Variants in MSRB1 observed in about 807,000 individuals in gnomAD.
MSRB1 encodes methionine-R-sulfoxide reductase B1.
Under a neutral mutation model 15.2 loss-of-function variants are expected in MSRB1, and 13 were observed. The observed-to-expected ratio is 0.86, with a 90% CI of 0.56 to 1.36. MSRB1 has a LOEUF of 1.36. MSRB1 is among the 40% of genes most tolerant of loss of function. The pLI, the probability that MSRB1 is intolerant of heterozygous loss-of-function variation, is 0.00. For synonymous variants in MSRB1, 68 were observed against 64.5 expected (o/e 1.05, Z -0.26); for missense variants, 174 against 155.9 (o/e 1.12, Z -0.62).
At chr16:1,940,131 G>C (rs925619909) in intron 3 of MSRB1, among the ~76,000 whole-genome samples, 1 of 151,920 alleles carries the variant, frequency 6.6e-6, no homozygotes, top group African/African-American at 2.4e-5. Context: ...AATTAGCTGG[G>C]CGTGGTGATG....
intron 1 of MSRB1, among the ~76,000 whole-genome samples, chr16:1,942,664 C>A (rs541440374): frequency 3.3e-5 from 5 of 152,398 alleles, no homozygotes; most frequent in Non-Finnish European, 5.9e-5. Context: ...CAGGGTAACA[C>A]CTGCGGGATG....
At chr16:1,940,668 T>A in intron 3 of MSRB1, 110 bp downstream of exon 3, 1 of 1,325,944 alleles carries the variant, frequency 7.5e-7, no homozygotes, top group Middle Eastern at 2.6e-4. Flanking sequence ...GCAGCGTGAC[T>A]TGGTGGCCCC....
At chr16:1,941,893 CT>C (rs2083079881) in intron 1 of MSRB1, 1 of 160,018 alleles carries the variant, frequency 6.2e-6, no homozygotes, top group Non-Finnish European at 1.4e-5. Flanking sequence ...CTGCTCTGCT[CT>C]CCAGGCAGGA....
At chr16:1,941,846 T>C in intron 1 of MSRB1, 1 of 174,560 alleles carries the variant, frequency 5.7e-6, no homozygotes, top group South Asian at 1.1e-4. Flanking sequence ...TGGTCCTCCC[T>C]GCTGCCCAAC....
At position 1,939,134 on chromosome 16, in the gene MSRB1, G is replaced by C. The variant is rs199711553; in HGVS notation, c.329C>G (p.Thr110Ser). The C allele has an allele frequency of 6.2e-7, 1 of 1,608,568 alleles. No individual in the cohort carries two copies. The highest frequency in any genetic ancestry group is 1.1e-5 in the South Asian group (1 of 90,714). ...SLKFVPKGKETSASQGH is the reference protein window; with the variant it reads ...SLKFVPKGKESSASQGH ...CGCCTAGTGACCCTGGGAGGCAGAA[G>C]TTTCTTTGCCTGAAAGAGAGGAGAG... The change falls in exon 4 of 4, where the codon ACT becomes AGT. Residue 110 changes from threonine (T) to serine (S), a missense_variant. By Grantham distance (58) the Thr-to-Ser change is moderately conservative (BLOSUM62 1). Coordinates refer to ENST00000361871, the MANE Select transcript of MSRB1 (RefSeq NM_016332.4).
In MSRB1 at chr16:1,939,048, A is replaced by C; in HGVS notation, c.*64T>G. ...CTCGACGCCCAGGGTTCCAACTCCA[A>C]GGTGGAATGGCCAACGTGTGGCCTC... is the stretch of plus-strand genomic sequence containing the variant. On this transcript the variant is annotated 3_prime_UTR_variant, in exon 4 of 4. Transcript: ENST00000361871. 1 of 1,595,596 alleles carries C rather than the reference A, an allele frequency of 6.3e-7. No individual in the cohort carries two copies. Among genetic ancestry groups the C allele is most frequent in the Non-Finnish European group, 8.6e-7 (1 of 1,166,048 alleles).
At position 1,941,570 on chromosome 16, in the gene MSRB1, G is replaced by A. The variant is rs559025992; in HGVS notation, c.56-165C>T. ...ACGGGAGGCGCTGTGCTGAGCTCAC[G>A]TTTAGTAGATGTGCCAGAGACCAGG... On this transcript the variant is annotated intron_variant, in intron 1 of 3. Transcript: ENST00000361871. 15 of 906,290 alleles carry A rather than the reference G, an allele frequency of 1.7e-5. No homozygotes were observed. The South Asian group carries it at 2.3e-4, about 14-fold the overall frequency. The allele number at this position is 906,290 out of a possible 1,614,324, so 56.1% of individuals were successfully genotyped here. A position where few individuals can be genotyped will look rare whatever the true frequency, so the allele number is the denominator to read the frequency against.
intron 3 of MSRB1, among the ~76,000 whole-genome samples, chr16:1,940,285 A>G (rs1342703850): frequency 1.3e-5 from 2 of 152,116 alleles, no homozygotes; most frequent in African/African-American, 4.8e-5. Flanking sequence ...AAAAAAAAAA[A>G]AAGGATGAGG....
chr16:1,940,726 CCT>C, intron 3 of MSRB1, 50 bp downstream of exon 3: 3 of 1,568,360 alleles, frequency 1.9e-6, no homozygotes, highest in Non-Finnish European at 2.6e-6. Context: ...GGCCCCCCAG[CCT>C]GGGCTCAAAG....
At chr16:1,942,572 C>T (rs1567306998) in intron 1 of MSRB1, among the ~76,000 whole-genome samples, 1 of 152,226 alleles carries the variant, frequency 6.6e-6, no homozygotes, top group Non-Finnish European at 1.5e-5. Context: ...GCACCTGGGC[C>T]GGCACATTAG....
rs757822386 is a variant in MSRB1, at chr16:1,941,243, CT to C, written c.204+13del. 8.7e-6 allele frequency: 14 copies of C among 1,613,696 alleles called. No individual in the cohort carries two copies. The highest frequency in any genetic ancestry group is 6.7e-5 in the Admixed American group (4 of 59,980). ...GGCCGCCCCCGTCCCTCCCCCACCC[CT>C]GTGGCCTCTCACCTTCAAGGCTTCA... On this transcript the variant is annotated intron_variant, in intron 2 of 3. Coordinates refer to ENST00000361871, the MANE Select transcript of MSRB1 (RefSeq NM_016332.4).
chr16:1,941,170 G>A (rs2083074315), intron 2 of MSRB1, 87 bp downstream of exon 2: 1 of 1,578,036 alleles, frequency 6.3e-7, no homozygotes, highest in African/African-American at 1.3e-5. Context: ...CCCTGGAGCT[G>A]TGGGGCAAGC....
chr16:1,941,764 T>G, intron 1 of MSRB1: 3 of 241,216 alleles, frequency 1.2e-5, no homozygotes, highest in Non-Finnish European at 8.2e-6. Flanking sequence ...CTCGCCCCCC[T>G]AGTTCCCCCA....
Position 1,939,235 on chromosome 16 carries a change from A to G in MSRB1, c.320-92T>C, listed in dbSNP as rs182732408. 760 of 1,383,944 alleles carry G rather than the reference A, an allele frequency of 5.5e-4. 5 individuals are homozygous for G. In the African/African-American group the frequency reaches 9.9e-3, roughly 18 times the overall value. The allele number at this position is 1,383,944 out of a possible 1,614,324, so 85.7% of individuals were successfully genotyped here. ...CGCGGGGGCGGTGGAAAGCCAGGGT[A>G]GGGGCAGAAAGCAAGTCACTGCAAG... On this transcript the variant is annotated intron_variant, in intron 3 of 3. Coordinates refer to ENST00000361871, the MANE Select transcript of MSRB1 (RefSeq NM_016332.4).
intron 3 of MSRB1, 130 bp from the exon 4 acceptor site, chr16:1,939,273 G>T: frequency 9.3e-7 from 1 of 1,070,312 alleles, no homozygotes. Flanking sequence ...AGAGCTTCAG[G>T]TGCCGTTCCC....
Position 1,938,781 on chromosome 16 carries a change from G to C in MSRB1, c.*331C>G. 1 of 403,580 alleles carries C rather than the reference G, an allele frequency of 2.5e-6. No homozygotes were observed. The highest frequency in any genetic ancestry group is 2.7e-5 in the South Asian group (1 of 36,392). 25.0% of individuals were successfully genotyped at this position (403,580 alleles called of 1,614,324 possible). The stretch of plus-strand genomic sequence containing the variant: ...GAGTCCAGAGACAGGGCCAGGAAAA[G>C]AAGGTGAGGGTGTAACGTCATTCAG... On this transcript the variant is annotated 3_prime_UTR_variant, in exon 4 of 4. Coordinates refer to ENST00000361871, the MANE Select transcript of MSRB1 (RefSeq NM_016332.4).
At chr16:1,941,159 C>G in intron 2 of MSRB1, 98 bp downstream of exon 2, 3 of 1,567,162 alleles carry the variant, frequency 1.9e-6, no homozygotes, top group Non-Finnish European at 1.7e-6. Context: ...CGCCTCTAAG[C>G]CCCTGGAGCT....
intron 3 of MSRB1, among the ~76,000 whole-genome samples, chr16:1,940,270 C>G (rs554676644): frequency 6.8e-6 from 1 of 147,174 alleles, no homozygotes. Context: ...GACTCCATCT[C>G]AGAAAAAAAA....
chr16:1,939,214 G>C (rs896408397), intron 3 of MSRB1, 71 bp from the exon 4 acceptor site: 34 of 1,527,786 alleles, frequency 2.2e-5, no homozygotes, highest in Middle Eastern at 1.8e-4. Flanking sequence ...GCCGGGCGCG[G>C]GGGCGGTGGA....
Sources: allele counts gnomAD v4.1 joint callset (sites outside exome capture counted in the v4.1 genomes callset), GRCh38; gene constraint gnomAD v4.1.1; transcripts MANE v1.5; gene names NCBI Gene and HGNC (gene_info 2026-07-23, HGNC 2026-07-21).